MYOCOS: variants seen among roughly 807,000 people sequenced by gnomAD.
MYOCOS encodes the protein myocilin opposite strand protein.
chr1:171,623,962 G>C lies in MYOCOS; in HGVS notation c.79G>C (p.Val27Leu). The change falls in exon 2 of 3, where the codon GTC (valine) becomes CTC (leucine). Residue 27 changes from valine (V) to leucine (L), a missense_variant. Transcript: ENST00000637642. ...GACCTCCGAGGTAACCAGGCGCCGA[G>C]TCACCATGATCACAAGGTACCCAAA... The part of the protein sequence containing the change: ...DLTSEVTRRR[V>L]TMITRKEIIT... 2.5e-6 allele frequency: 1 copy of C among 398,626 alleles called. No individual in the cohort carries two copies. Among genetic ancestry groups the C allele is most frequent in the Non-Finnish European group, 4.4e-6 (1 of 226,082 alleles). 24.7% of individuals were successfully genotyped at this position (398,626 alleles called of 1,614,324 possible).
intron 1 of MYOCOS, among the ~76,000 whole-genome samples, chr1:171,622,927 C>A (rs1451646081): frequency 6.6e-6 from 1 of 152,078 alleles, no homozygotes; most frequent in African/African-American, 2.4e-5. Flanking sequence ...CGGTGGTTAT[C>A]AAATAAGATG....
chr1:171,612,268 G>A (rs1347033485), intron 1 of MYOCOS, among the ~76,000 whole-genome samples: 3 of 151,614 alleles, frequency 2.0e-5, no homozygotes, highest in East Asian at 4.0e-4. Context: ...TAGTAGAGAC[G>A]GGGTTTCATC....
intron 2 of MYOCOS, among the ~76,000 whole-genome samples, chr1:171,616,615 G>A (rs1334582719): frequency 1.3e-5 from 2 of 152,134 alleles, no homozygotes; most frequent in Non-Finnish European, 1.5e-5. Flanking sequence ...TGAAGGAGGT[G>A]ATCAGGAGTT....
intron 1 of MYOCOS, among the ~76,000 whole-genome samples, chr1:171,609,514 C>G (rs1652316833): frequency 1.3e-5 from 2 of 152,172 alleles, no homozygotes; most frequent in Non-Finnish European, 2.9e-5. Flanking sequence ...GGATGAGAAA[C>G]ACAAATCCCC....
chr1:171,604,229 C>G (rs900483128), intron 1 of MYOCOS: 1 of 152,106 alleles, frequency 6.6e-6, no homozygotes, highest in Non-Finnish European at 1.5e-5. Context: ...CAGTCACACC[C>G]GGAAGGTGAC....
At chr1:171,616,677 A>G (rs1035947938) in intron 2 of MYOCOS, among the ~76,000 whole-genome samples, 2 of 152,212 alleles carry the variant, frequency 1.3e-5, no homozygotes, top group Non-Finnish European at 2.9e-5. Flanking sequence ...TGAGGTGTCA[A>G]GTCAGCAGCT....
intron 1 of MYOCOS, among the ~76,000 whole-genome samples, chr1:171,609,256 A>T (rs772747141): frequency 5.9e-5 from 9 of 152,234 alleles, no homozygotes; most frequent in Non-Finnish European, 1.3e-4. Context: ...GTACTAAAAG[A>T]TCCATCACAA....
rs185739371 is a variant in MYOCOS at position 171,608,673 on chromosome 1, G to A, written c.-251-6125G>A. On this transcript the variant is annotated intron_variant, in intron 1 of 3. Transcript: ENST00000636697. ...CCTGACCTCATGATCTGCCCGCCTCGGCCTCCCAAAGGGCTGGGATTACAG... is the reference window on the plus strand; with the variant it reads ...CCTGACCTCATGATCTGCCCGCCTCAGCCTCCCAAAGGGCTGGGATTACAG... Among the ~76,000 whole-genome samples the A allele has an allele frequency of 9.9e-5, 15 of 151,994 alleles. No homozygotes were observed. In the East Asian group the frequency reaches 1.9e-3, roughly 20 times the overall value.
At chr1:171,612,768 T>C (rs950889904) in intron 1 of MYOCOS, among the ~76,000 whole-genome samples, 2 of 152,138 alleles carry the variant, frequency 1.3e-5, no homozygotes, top group Non-Finnish European at 2.9e-5. Flanking sequence ...AGGCGGAGGT[T>C]GCAGTGAGCC....
At chr1:171,601,764 C>A (rs1011655783) in intron 1 of MYOCOS, among the ~76,000 whole-genome samples, 1 of 152,122 alleles carries the variant, frequency 6.6e-6, no homozygotes, top group African/African-American at 2.4e-5. Flanking sequence ...GTTTTAGACC[C>A]CCTTCCTCCC....
chr1:171,614,065 A>G (rs1037356191), intron 1 of MYOCOS, among the ~76,000 whole-genome samples: 4 of 152,204 alleles, frequency 2.6e-5, no homozygotes, highest in Non-Finnish European at 5.9e-5. Flanking sequence ...GCACCTGCCA[A>G]TTTATTCCCT....
At chr1:171,610,131 A>G (rs1188994398) in intron 1 of MYOCOS, among the ~76,000 whole-genome samples, 1 of 152,236 alleles carries the variant, frequency 6.6e-6, no homozygotes, top group African/African-American at 2.4e-5. Context: ...GGGACAGCCT[A>G]TCACTTCTAC....
At chr1:171,608,865 T>C (rs933737340) in intron 1 of MYOCOS, among the ~76,000 whole-genome samples, 1 of 151,988 alleles carries the variant, frequency 6.6e-6, no homozygotes, top group African/African-American at 2.4e-5. Flanking sequence ...GAGCCTACAC[T>C]CCCAGCAGCT....
intron 1 of MYOCOS, among the ~76,000 whole-genome samples, chr1:171,608,840 T>C (rs762749942): frequency 2.6e-5 from 4 of 152,026 alleles, no homozygotes; most frequent in Admixed American, 6.6e-5. Context: ...CCAGAAAGGA[T>C]TGTGCTCAGA....
chr1:171,619,061 T>A (rs1371460557), upstream of MYOCOS, among the ~76,000 whole-genome samples: 1 of 152,244 alleles, frequency 6.6e-6, no homozygotes, highest in Non-Finnish European at 1.5e-5. Context: ...TGTAGTTGGA[T>A]ATTTTTCTAT....
At chr1:171,617,988 G>A (rs1232012856), upstream of MYOCOS, among the ~76,000 whole-genome samples, 2 of 152,184 alleles carry the variant, frequency 1.3e-5, no homozygotes, top group Admixed American at 6.5e-5. Flanking sequence ...TGTGGTGAAT[G>A]TGGAATTCTC....
In MYOCOS at chr1:171,605,668, C is replaced by A. The variant is rs917068724; in HGVS notation, c.-252+4588C>A. On this transcript the variant is annotated intron_variant, in intron 1 of 3. Transcript: ENST00000636697. ...TAGGCTTCCCAGTCTATGCTTCCCG[C>A]GGAAAACGAAGCATAGCCATAAGTA... Among the ~76,000 whole-genome samples the A allele has an allele frequency of 4.6e-5, 7 of 151,984 alleles. No homozygotes were observed. In the South Asian group the frequency reaches 1.5e-3, roughly 32 times the overall value.
intron 1 of MYOCOS, among the ~76,000 whole-genome samples, chr1:171,612,550 G>A (rs1033348566): frequency 9.9e-5 from 15 of 151,774 alleles, no homozygotes; most frequent in African/African-American, 3.4e-4. Context: ...GTGTGTCCAG[G>A]CATGGTGGCT....
intron 1 of MYOCOS, among the ~76,000 whole-genome samples, chr1:171,605,981 TAA>T (rs1652237134): frequency 2.0e-5 from 3 of 152,152 alleles, no homozygotes; most frequent in African/African-American, 7.2e-5. Flanking sequence ...TGTCTAAACA[TAA>T]ATAATCAAAG....
Sources: allele counts gnomAD v4.1 joint callset (sites outside exome capture counted in the v4.1 genomes callset), GRCh38; gene constraint gnomAD v4.1.1; transcripts MANE v1.5; gene names NCBI Gene and HGNC (gene_info 2026-07-23, HGNC 2026-07-21).